Variants in NTM observed in about 807,000 individuals in gnomAD.
NTM encodes neurotrimin.
A neutral mutation model predicts 42.1 loss-of-function variants in NTM; 13 were observed. The ratio of observed to expected loss-of-function variants is 0.31; its 90% CI spans 0.20 to 0.49. The LOEUF (loss-of-function observed/expected upper bound fraction) is 0.49. Ranked by LOEUF, NTM falls within the 20% of genes least tolerant of loss-of-function variation. The pLI, the probability that NTM is intolerant of heterozygous loss-of-function variation, is 0.99. For synonymous variants in NTM, 187 were observed against 179.2 expected (o/e 1.04, Z -0.35); for missense variants, 373 against 452.8 (o/e 0.82, Z 1.60).
At chr11:131,501,166 G>T (rs1215121688) in intron 1 of NTM, among the ~76,000 whole-genome samples, 1 of 152,112 alleles carries the variant, frequency 6.6e-6, no homozygotes, top group Non-Finnish European at 1.5e-5. Context: ...CCTTCAAGGG[G>T]TTTGCATTCT....
intron 1 of NTM, among the ~76,000 whole-genome samples, chr11:131,401,950 G>C (rs536672713): frequency 6.7e-6 from 1 of 149,082 alleles, no homozygotes; most frequent in Non-Finnish European, 1.5e-5. Flanking sequence ...ATGTAGGAGA[G>C]ATTGTTAGCC....
intron 3 of NTM, among the ~76,000 whole-genome samples, chr11:132,211,584 A>T (rs1291506899): frequency 6.6e-6 from 1 of 152,256 alleles, no homozygotes; most frequent in East Asian, 1.9e-4. Context: ...CCTCATGCCT[A>T]GAAGGAGTCA....
chr11:131,769,776 G>T (rs1176447321), intron 1 of NTM: 2 of 154,554 alleles, frequency 1.3e-5, no homozygotes, highest in Non-Finnish European at 2.8e-5. Flanking sequence ...CTCCTTGAGG[G>T]AAGGCTTGAG....
intron 1 of NTM, among the ~76,000 whole-genome samples, chr11:131,656,498 T>C (rs1035606547): frequency 1.5e-4 from 23 of 152,238 alleles, no homozygotes; most frequent in Non-Finnish European, 3.1e-4. Context: ...ACCACATGGA[T>C]AGACTTGGGA....
intron 1 of NTM, among the ~76,000 whole-genome samples, chr11:131,602,160 C>G (rs572962144): frequency 5.3e-5 from 8 of 152,252 alleles, no homozygotes; most frequent in Admixed American, 1.3e-4. Context: ...AGGATGGTGC[C>G]TCAGCTGCTG....
At chr11:131,438,954 T>G (rs976110342) in intron 1 of NTM, among the ~76,000 whole-genome samples, 3 of 152,196 alleles carry the variant, frequency 2.0e-5, no homozygotes, top group African/African-American at 7.2e-5. Flanking sequence ...GATGGTGACC[T>G]ATAGATGGGG....
At chr11:131,454,397 T>C (rs1044755675) in intron 1 of NTM, among the ~76,000 whole-genome samples, 1 of 152,186 alleles carries the variant, frequency 6.6e-6, no homozygotes, top group Non-Finnish European at 1.5e-5. Flanking sequence ...CCCTTTTCTC[T>C]CTTAAAAACA....
chr11:132,313,428 G>C (rs1263285594), intron 6 of NTM, among the ~76,000 whole-genome samples: 1 of 152,140 alleles, frequency 6.6e-6, no homozygotes, highest in African/African-American at 2.4e-5. Flanking sequence ...AGGAAACTTA[G>C]CTTTGTGTCC....
chr11:131,931,498 T>TGA (rs1028596428), intron 2 of NTM, among the ~76,000 whole-genome samples: 1 of 151,498 alleles, frequency 6.6e-6, no homozygotes, highest in Non-Finnish European at 1.5e-5. Flanking sequence ...TGTGTGTGTG[T>TGA]GTGTGTATGT....
chr11:131,981,253 G>A (rs1372708241), intron 2 of NTM: 1 of 152,228 alleles, frequency 6.6e-6, no homozygotes, highest in African/African-American at 2.4e-5. Context: ...GACAGGAGGA[G>A]AAAGAATTAA....
intron 1 of NTM, among the ~76,000 whole-genome samples, chr11:131,763,772 G>A (rs56393933): frequency 0.02 from 2,247 of 112,726 alleles, 33 homozygotes; most frequent in Middle Eastern, 0.043. Context: ...CCTCCATTCT[G>A]TACGCTGCTT....
intron 1 of NTM, among the ~76,000 whole-genome samples, chr11:131,760,249 C>G (rs1232274518): frequency 6.6e-6 from 1 of 152,126 alleles, no homozygotes; most frequent in Non-Finnish European, 1.5e-5. Context: ...CAGGGTGATT[C>G]ATGCATATTG....
chr11:131,786,084 G>A (rs1223689720), intron 1 of NTM, among the ~76,000 whole-genome samples: 1 of 152,186 alleles, frequency 6.6e-6, no homozygotes, highest in African/African-American at 2.4e-5. Context: ...GGGAGAGCCA[G>A]CATTTTCTTC....
intron 2 of NTM, among the ~76,000 whole-genome samples, chr11:131,988,140 G>A (rs899862949): frequency 1.3e-5 from 2 of 152,244 alleles, no homozygotes; most frequent in Non-Finnish European, 2.9e-5. Flanking sequence ...GGGCAAGCAA[G>A]CTTGCTAGGA....
chr11:132,038,639 T>C lies in NTM; in HGVS notation c.168-107643T>C, dbSNP rs201522850. ...GTGTTCAGTCAACCCTTGCTGCTGT[T>C]GCTGCACTTACTGATGTTGTCACCC... On this transcript the variant is annotated intron_variant, in intron 2 of 8. Coordinates refer to ENST00000683400, the MANE Select transcript of NTM (RefSeq NM_001352005.2). 3.9e-5 allele frequency among the ~76,000 whole-genome samples: 6 copies of C among 152,330 alleles called. No individual in the cohort carries two copies. The East Asian group carries it at 1.2e-3, about 29-fold the overall frequency.
chr11:131,959,029 T>G (rs1447164908), intron 2 of NTM, among the ~76,000 whole-genome samples: 11 of 152,158 alleles, frequency 7.2e-5, no homozygotes, highest in Admixed American at 5.9e-4. Context: ...AAGACTTTGT[T>G]ACTCGTGGCA....
At chr11:131,623,947 C>A (rs1326501459) in intron 1 of NTM, among the ~76,000 whole-genome samples, 1 of 152,240 alleles carries the variant, frequency 6.6e-6, no homozygotes, top group African/African-American at 2.4e-5. Flanking sequence ...TGAGTCTCCT[C>A]ATCCACTCTC....
intron 1 of NTM, among the ~76,000 whole-genome samples, chr11:131,618,892 C>A (rs2062227781): frequency 6.6e-6 from 1 of 152,118 alleles, no homozygotes. Context: ...GATGGTATTC[C>A]TGAAGAAATG....
intron 4 of NTM, among the ~76,000 whole-genome samples, chr11:132,293,989 C>T (rs142237060): frequency 3.3e-5 from 5 of 152,058 alleles, no homozygotes; most frequent in South Asian, 2.1e-4. Context: ...CTCCTGGAGA[C>T]GAGTGGTAAC....
Sources: allele counts gnomAD v4.1 joint callset (sites outside exome capture counted in the v4.1 genomes callset), GRCh38; gene constraint gnomAD v4.1.1; transcripts MANE v1.5; gene names NCBI Gene and HGNC (gene_info 2026-07-23, HGNC 2026-07-21).